CSMD1: variants seen among roughly 807,000 people sequenced by gnomAD.
CSMD1 encodes CUB and sushi domain-containing protein 1.
CSMD1 carries 213 observed loss-of-function variants against 417.5 expected under a neutral mutation model. The observed-to-expected ratio is 0.51, with a 90% CI of 0.46 to 0.57. CSMD1 has a LOEUF of 0.57. Ranked by LOEUF, CSMD1 falls within the 20% of genes least tolerant of loss-of-function variation. CSMD1 has a pLI of 0.00. For missense variants in CSMD1, 6,923 were observed against 4,529.7 expected, an observed-to-expected ratio of 1.53 and a Z score of -15.17; for synonymous variants, 2,862 against 1,736.8, an observed-to-expected ratio of 1.65 and a Z score of -16.11.
At chr8:3,087,878 T>G (rs1244409279) in intron 48 of CSMD1, among the ~76,000 whole-genome samples, 3 of 152,204 alleles carry the variant, frequency 2.0e-5, no homozygotes, top group African/African-American at 4.8e-5. Flanking sequence ...ACATCATATT[T>G]GAAACAAAAA....
intron 3 of CSMD1, among the ~76,000 whole-genome samples, chr8:4,409,349 T>A (rs1796518280): frequency 6.6e-6 from 1 of 152,178 alleles, no homozygotes. Flanking sequence ...CTCTCACATC[T>A]TCTCCTCGAA....
chr8:3,014,650 C>T (rs1452150813), intron 52 of CSMD1, among the ~76,000 whole-genome samples: 5 of 152,278 alleles, frequency 3.3e-5, no homozygotes, highest in Admixed American at 1.3e-4. Flanking sequence ...AAAAACGTCC[C>T]GCCTATAATC....
intron 42 of CSMD1, among the ~76,000 whole-genome samples, chr8:3,113,552 T>C (rs1816666318): frequency 6.6e-6 from 1 of 152,220 alleles, no homozygotes; most frequent in Admixed American, 6.5e-5. Context: ...AACTTGAATG[T>C]CACGCCCAAT....
At chr8:3,040,885 T>A (rs576566212) in intron 50 of CSMD1, among the ~76,000 whole-genome samples, 37 of 152,340 alleles carry the variant, frequency 2.4e-4, no homozygotes, top group Non-Finnish European at 4.3e-4. Flanking sequence ...TTCTGAGTAA[T>A]ATTTTCATAT....
chr8:3,408,900 G>C (rs902637544), intron 13 of CSMD1, among the ~76,000 whole-genome samples: 8 of 152,024 alleles, frequency 5.3e-5, no homozygotes, highest in Non-Finnish European at 8.8e-5. Context: ...TTCAGCCTTT[G>C]CTATAGTTAT....
At chr8:4,885,846 T>G (rs566369498) in intron 1 of CSMD1, among the ~76,000 whole-genome samples, 7 of 152,206 alleles carry the variant, frequency 4.6e-5, no homozygotes, top group African/African-American at 1.4e-4. Context: ...TGCTTGTGTT[T>G]TTGCTCTTAT....
At chr8:4,680,195 C>A (rs1225624028) in intron 1 of CSMD1, among the ~76,000 whole-genome samples, 2 of 152,164 alleles carry the variant, frequency 1.3e-5, no homozygotes, top group African/African-American at 2.4e-5. Flanking sequence ...TTCTTCAGAT[C>A]TAATTGTGTT....
chr8:2,964,167 A>C (rs1803743082), intron 59 of CSMD1, among the ~76,000 whole-genome samples: 1 of 152,258 alleles, frequency 6.6e-6, no homozygotes, highest in South Asian at 2.1e-4. Flanking sequence ...GTGACCCTGT[A>C]GGTAGCAGAA....
intron 5 of CSMD1, among the ~76,000 whole-genome samples, chr8:3,970,797 G>C (rs192369039): frequency 1.3e-5 from 2 of 152,114 alleles, no homozygotes; most frequent in Admixed American, 6.5e-5. Context: ...TTGTTACCCA[G>C]GCTGGAGTCC....
chr8:4,465,504 T>A (rs978945696), intron 2 of CSMD1, among the ~76,000 whole-genome samples: 2 of 152,108 alleles, frequency 1.3e-5, no homozygotes, highest in Non-Finnish European at 2.9e-5. Flanking sequence ...AGAGGTGACT[T>A]AACAGTGGGG....
intron 2 of CSMD1, among the ~76,000 whole-genome samples, chr8:4,622,967 T>C (rs190183033): frequency 1.2e-3 from 185 of 152,300 alleles, no homozygotes; most frequent in African/African-American, 4.3e-3. Context: ...GTTTTTTATA[T>C]GTCACATGAA....
At chr8:4,761,883 C>A (rs1266264135) in intron 1 of CSMD1, among the ~76,000 whole-genome samples, 1 of 76,132 alleles carries the variant, frequency 1.3e-5, no homozygotes, top group Admixed American at 1.7e-4. Flanking sequence ...ATCTATCTAT[C>A]TATCTACCTA....
chr8:4,917,956 G>C (rs562638740), intron 1 of CSMD1, among the ~76,000 whole-genome samples: 1 of 152,170 alleles, frequency 6.6e-6, no homozygotes, highest in Non-Finnish European at 1.5e-5. Context: ...ATATGCTAAG[G>C]TCTATTTAGT....
intron 49 of CSMD1, among the ~76,000 whole-genome samples, chr8:3,077,462 C>T (rs1813764566): frequency 6.6e-6 from 1 of 152,214 alleles, no homozygotes; most frequent in South Asian, 2.1e-4. Context: ...AAACACCTGC[C>T]TTCCAGCCTC....
At chr8:4,351,796 T>C (rs1801110414) in intron 3 of CSMD1, among the ~76,000 whole-genome samples, 1 of 152,100 alleles carries the variant, frequency 6.6e-6, no homozygotes, top group African/African-American at 2.4e-5. Context: ...GCACTTGGAA[T>C]CCAGCATCTC....
chr8:4,445,939 A>G (rs2129750836), intron 2 of CSMD1, among the ~76,000 whole-genome samples: 1 of 152,244 alleles, frequency 6.6e-6, no homozygotes, highest in South Asian at 2.1e-4. Flanking sequence ...GGTCAGAGAA[A>G]AAGTATTTCG....
chr8:4,516,690 C>A (rs1163037597), intron 2 of CSMD1, among the ~76,000 whole-genome samples: 2 of 152,154 alleles, frequency 1.3e-5, no homozygotes, highest in African/African-American at 4.8e-5. Context: ...GCCCCAGATT[C>A]CTCCAACCCC....
chr8:3,709,792 G>A lies in CSMD1; in HGVS notation c.932-1301C>T, dbSNP rs373417482. Among the ~76,000 whole-genome samples, 26 of 144,716 alleles carry A rather than the reference G, an allele frequency of 1.8e-4. No homozygotes were observed. The South Asian group carries it at 4.8e-3, about 27-fold the overall frequency. 94.9% of individuals were successfully genotyped at this position (144,716 alleles called of 152,430 possible). A position where few individuals can be genotyped will look rare whatever the true frequency, so the allele number is the denominator to read the frequency against. On this transcript the variant is annotated intron_variant, in intron 6 of 69. Transcript: ENST00000635120. ...GCTGACTTACCCCTTTCAGGTCTTCGGTCTTGTCAGCTTCATAATCATGTG... is the reference window on the plus strand; with the variant it reads ...GCTGACTTACCCCTTTCAGGTCTTCAGTCTTGTCAGCTTCATAATCATGTG...
At chr8:3,066,053 A>G (rs1204345719) in intron 49 of CSMD1, among the ~76,000 whole-genome samples, 1 of 152,192 alleles carries the variant, frequency 6.6e-6, no homozygotes, top group African/African-American at 2.4e-5. Context: ...CCATATTTCC[A>G]AAGGTTACAG....
Sources: gnomAD v4.1 joint callset for allele counts (sites outside exome capture counted in the v4.1 genomes callset) on GRCh38, gnomAD v4.1.1 for gene constraint, MANE v1.5 for transcripts, NCBI Gene and HGNC (gene_info 2026-07-23, HGNC 2026-07-21) for gene names.